The following PTPN1 variants were observed in gnomAD, a reference collection of about 807,000 sequenced individuals.
PTPN1 encodes tyrosine-protein phosphatase non-receptor type 1.
A neutral mutation model predicts 59.9 loss-of-function variants in PTPN1; 12 were observed. The ratio of observed to expected loss-of-function variants is 0.20; its 90% confidence interval spans 0.13 to 0.32. The LOEUF is 0.32. Among genes scored for constraint, PTPN1 ranks in the 10% least tolerant of loss-of-function variants. The pLI is 1.00. For missense variants in PTPN1, 356 were observed against 549.2 expected (o/e 0.65, Z 3.52); for synonymous variants, 178 against 203.6 (o/e 0.87, Z 1.07).
At chr20:50,554,907 T>C (rs910982462) in intron 1 of PTPN1, among the ~76,000 whole-genome samples, 1 of 151,604 alleles carries the variant, frequency 6.6e-6, no homozygotes, top group Admixed American at 6.6e-5. Flanking sequence ...ATCAAATGAG[T>C]CAAATAGAAA....
intron 1 of PTPN1, among the ~76,000 whole-genome samples, chr20:50,550,982 T>C (rs1365220616): frequency 6.6e-6 from 1 of 152,254 alleles, no homozygotes; most frequent in Non-Finnish European, 1.5e-5. Context: ...TAAACTGGCT[T>C]TTATGCCTGT....
intron 2 of PTPN1, among the ~76,000 whole-genome samples, chr20:50,563,889 T>C (rs866446509): frequency 1.6e-4 from 24 of 152,108 alleles, no homozygotes; most frequent in African/African-American, 5.8e-4. Flanking sequence ...AAAAAAAAAG[T>C]GGCTTTTTAA....
At chr20:50,573,201 G>C (rs1476856916) in intron 4 of PTPN1, 3 of 152,426 alleles carry the variant, frequency 2.0e-5, no homozygotes, top group African/African-American at 7.2e-5. Context: ...ATTGCCCCCA[G>C]ATGATGCCAC....
At chr20:50,524,802 C>T (rs1178499963) in intron 1 of PTPN1, among the ~76,000 whole-genome samples, 1 of 151,764 alleles carries the variant, frequency 6.6e-6, no homozygotes, top group Non-Finnish European at 1.5e-5. Context: ...GTCTCGAACT[C>T]CTGACCTCAT....
chr20:50,527,791 C>CT (rs1482567522), intron 1 of PTPN1, among the ~76,000 whole-genome samples: 1 of 152,168 alleles, frequency 6.6e-6, no homozygotes, highest in Non-Finnish European at 1.5e-5. Context: ...TTTAATAACT[C>CT]TATTTTTTCC....
intron 1 of PTPN1, among the ~76,000 whole-genome samples, chr20:50,543,328 G>A (rs1018614858): frequency 7.9e-5 from 12 of 152,110 alleles, no homozygotes; most frequent in Admixed American, 7.2e-4. Flanking sequence ...TAAAAATTCC[G>A]TATATTTTGA....
rs2122813710 is a variant in PTPN1, at chr20:50,584,092, A to G, written c.*1377A>G. 1 of 152,792 alleles carries G rather than the reference A, an allele frequency of 6.5e-6. No homozygotes were observed. Among genetic ancestry groups the G allele is most frequent in the African/African-American group, 2.4e-5 (1 of 41,582 alleles). 9.5% of individuals were successfully genotyped at this position (152,792 alleles called of 1,614,324 possible). On this transcript the variant is annotated 3_prime_UTR_variant, in exon 10 of 10. Coordinates refer to ENST00000371621, the MANE Select transcript of PTPN1 (RefSeq NM_002827.4). ...ATGGTGCTCACGACTCTTCCTGCAA[A>G]GGGAACTGAAGACCTCCACATTAAG...
At chr20:50,530,874 T>C (rs1382957863) in intron 1 of PTPN1, among the ~76,000 whole-genome samples, 1 of 151,942 alleles carries the variant, frequency 6.6e-6, no homozygotes, top group Admixed American at 6.6e-5. Flanking sequence ...TTTTTTTATT[T>C]TTTATTTTTT....
intron 1 of PTPN1, among the ~76,000 whole-genome samples, chr20:50,529,260 T>A (rs904276714): frequency 6.6e-6 from 1 of 152,192 alleles, no homozygotes; most frequent in Non-Finnish European, 1.5e-5. Flanking sequence ...AGAGTCTCTC[T>A]CATTCAAACT....
intron 1 of PTPN1, among the ~76,000 whole-genome samples, chr20:50,560,613 CTTTT>C (rs762154823): frequency 1.4e-5 from 2 of 138,534 alleles, no homozygotes; most frequent in African/African-American, 2.7e-5. Context: ...ATGGGGCTGT[CTTTT>C]TTTTTTTTTT....
At chr20:50,549,562 C>G (rs2122762329) in intron 1 of PTPN1, among the ~76,000 whole-genome samples, 1 of 152,290 alleles carries the variant, frequency 6.6e-6, no homozygotes, top group East Asian at 1.9e-4. Flanking sequence ...ATCCTGCTGC[C>G]TTTTCAATGC....
chr20:50,539,026 C>CTTT (rs71190576), intron 1 of PTPN1, among the ~76,000 whole-genome samples: 31 of 85,302 alleles, frequency 3.6e-4, no homozygotes, highest in East Asian at 7.7e-4. Flanking sequence ...CTTCTCAATT[C>CTTT]TTTTTTTTTT....
chr20:50,514,511 T>A (rs1326283135), intron 1 of PTPN1, among the ~76,000 whole-genome samples: 1 of 152,138 alleles, frequency 6.6e-6, no homozygotes, highest in Non-Finnish European at 1.5e-5. Flanking sequence ...CAATTTCTGT[T>A]CCTAGCACTG....
At chr20:50,528,574 C>T (rs1041025493) in intron 1 of PTPN1, among the ~76,000 whole-genome samples, 47 of 151,660 alleles carry the variant, frequency 3.1e-4, no homozygotes, top group Admixed American at 2.6e-4. Flanking sequence ...ATTAGCCAGG[C>T]GTGGTGGCGG....
At chr20:50,539,802 A>G (rs1056217332) in intron 1 of PTPN1, among the ~76,000 whole-genome samples, 2 of 151,980 alleles carry the variant, frequency 1.3e-5, no homozygotes, top group Non-Finnish European at 2.9e-5. Context: ...CTCATCATTT[A>G]TGCAACCATG....
intron 5 of PTPN1, among the ~76,000 whole-genome samples, chr20:50,576,844 C>T (rs2082839426): frequency 6.6e-6 from 1 of 152,158 alleles, no homozygotes; most frequent in African/African-American, 2.4e-5. Flanking sequence ...CACTGCATTC[C>T]AGCCTGGGCG....
At chr20:50,559,716 G>C (rs1333149945) in intron 1 of PTPN1, among the ~76,000 whole-genome samples, 1 of 151,732 alleles carries the variant, frequency 6.6e-6, no homozygotes, top group Admixed American at 6.6e-5. Context: ...TGTCATTTTT[G>C]CTATCTTGTT....
intron 1 of PTPN1, among the ~76,000 whole-genome samples, chr20:50,534,041 C>T (rs2082613289): frequency 6.6e-6 from 1 of 152,180 alleles, no homozygotes; most frequent in Admixed American, 6.5e-5. Context: ...AGCGATTCTC[C>T]TGCCTCAGCC....
chr20:50,510,943 C>T (rs2082504386), intron 1 of PTPN1, among the ~76,000 whole-genome samples: 1 of 152,032 alleles, frequency 6.6e-6, no homozygotes, highest in Non-Finnish European at 1.5e-5. Context: ...ATTTAGCACC[C>T]CCACTATTTC....
Sources: gnomAD v4.1 joint callset for allele counts (sites outside exome capture counted in the v4.1 genomes callset) on GRCh38, gnomAD v4.1.1 for gene constraint, MANE v1.5 for transcripts, NCBI Gene and HGNC (gene_info 2026-07-23, HGNC 2026-07-21) for gene names.